GALNTL6: variants seen among roughly 807,000 people sequenced by gnomAD.
The protein encoded by GALNTL6 is polypeptide N-acetylgalactosaminyltransferase-like 6.
Under a neutral mutation model 73.7 loss-of-function variants are expected in GALNTL6, and 46 were observed. That is an observed-to-expected ratio of 0.62 (90% CI 0.49 to 0.80). GALNTL6 has a LOEUF of 0.80. Among genes scored for constraint, GALNTL6 ranks in the 30% least tolerant of loss-of-function variants. GALNTL6 has a pLI of 0.00. For missense variants in GALNTL6, 604 were observed against 755.0 expected, an observed-to-expected ratio of 0.80 and a Z score of 2.34; for synonymous variants, 259 against 263.7, an observed-to-expected ratio of 0.98 and a Z score of 0.17.
chr4:172,127,480 A>C (rs1260943945), intron 2 of GALNTL6, among the ~76,000 whole-genome samples: 1 of 151,498 alleles, frequency 6.6e-6, no homozygotes, highest in East Asian at 1.9e-4. Context: ...CTTGGGACTC[A>C]GAGGTTATTT....
intron 4 of GALNTL6, among the ~76,000 whole-genome samples, chr4:172,341,653 A>G (rs2332480): frequency 0.57 from 86,193 of 151,650 alleles, 26,963 homozygotes; most frequent in Non-Finnish European, 0.71. Flanking sequence ...ACGAGATCTA[A>G]TGGTGTGAAA....
intron 5 of GALNTL6, among the ~76,000 whole-genome samples, chr4:172,754,752 T>C (rs905477361): frequency 2.0e-5 from 3 of 151,862 alleles, no homozygotes; most frequent in Non-Finnish European, 4.4e-5. Flanking sequence ...TGCTAAATAC[T>C]AATGTTGGCC....
chr4:172,847,944 G>A (rs1040094933), intron 7 of GALNTL6, among the ~76,000 whole-genome samples: 5 of 152,148 alleles, frequency 3.3e-5, no homozygotes, highest in African/African-American at 1.2e-4. Flanking sequence ...AGCTCAGTCT[G>A]AGAGACCCTC....
chr4:172,201,480 C>T (rs1009666779), intron 2 of GALNTL6, among the ~76,000 whole-genome samples: 1 of 151,200 alleles, frequency 6.6e-6, no homozygotes. Context: ...GCTGGGATTA[C>T]AGGCATGAGC....
intron 10 of GALNTL6, among the ~76,000 whole-genome samples, chr4:172,958,898 T>C (rs937956269): frequency 2.0e-5 from 3 of 151,962 alleles, no homozygotes; most frequent in African/African-American, 7.3e-5. Context: ...GTATTTAGGA[T>C]AGGAGAGCAT....
intron 2 of GALNTL6, among the ~76,000 whole-genome samples, chr4:172,173,290 C>T (rs918972025): frequency 5.3e-5 from 8 of 152,172 alleles, no homozygotes; most frequent in East Asian, 1.9e-4. Flanking sequence ...TCTTAAATGA[C>T]GGCATATATC....
intron 3 of GALNTL6, among the ~76,000 whole-genome samples, chr4:172,234,503 T>C (rs1177626096): frequency 6.6e-6 from 1 of 152,082 alleles, no homozygotes; most frequent in East Asian, 1.9e-4. Flanking sequence ...TTGCTGAGAG[T>C]TTGTGACTTT....
At chr4:172,119,337 T>C (rs1168106967) in intron 2 of GALNTL6, among the ~76,000 whole-genome samples, 2 of 152,190 alleles carry the variant, frequency 1.3e-5, no homozygotes, top group African/African-American at 2.4e-5. Flanking sequence ...ATGCCACTTA[T>C]TCTAACACAT....
At chr4:172,402,051 C>A (rs1182061509) in intron 5 of GALNTL6, among the ~76,000 whole-genome samples, 1 of 151,710 alleles carries the variant, frequency 6.6e-6, no homozygotes, top group Non-Finnish European at 1.5e-5. Context: ...CTGCATTCAC[C>A]ATACTTCTTA....
intron 4 of GALNTL6, among the ~76,000 whole-genome samples, chr4:172,326,769 G>A (rs185108291): frequency 1.6e-4 from 25 of 151,716 alleles, no homozygotes; most frequent in East Asian, 1.4e-3. Context: ...CTTTGCCTTC[G>A]TTTGGATTAA....
intron 5 of GALNTL6, among the ~76,000 whole-genome samples, chr4:172,758,765 T>A (rs1044484667): frequency 6.6e-6 from 1 of 152,322 alleles, no homozygotes; most frequent in Non-Finnish European, 1.5e-5. Context: ...CATCCCTTGG[T>A]CCAGCATATC....
chr4:171,954,397 T>C (rs928341062), intron 2 of GALNTL6, among the ~76,000 whole-genome samples: 1 of 152,202 alleles, frequency 6.6e-6, no homozygotes, highest in East Asian at 1.9e-4. Context: ...TTGTGTTGTA[T>C]AGTTATACAA....
intron 2 of GALNTL6, among the ~76,000 whole-genome samples, chr4:172,117,532 C>T (rs1733021674): frequency 6.6e-6 from 1 of 152,108 alleles, no homozygotes; most frequent in South Asian, 2.1e-4. Flanking sequence ...TAGTTTGTTT[C>T]AGAATGCCAT....
intron 2 of GALNTL6, among the ~76,000 whole-genome samples, chr4:172,066,730 A>T (rs1454745346): frequency 6.6e-6 from 1 of 152,132 alleles, no homozygotes; most frequent in Non-Finnish European, 1.5e-5. Flanking sequence ...TACACTTATC[A>T]TTTTAACAGA....
intron 2 of GALNTL6, among the ~76,000 whole-genome samples, chr4:171,987,300 T>A (rs1400500737): frequency 6.6e-6 from 1 of 152,198 alleles, no homozygotes; most frequent in Non-Finnish European, 1.5e-5. Context: ...TATAAAGGTT[T>A]GACTGAATAC....
At chr4:171,976,280 G>A (rs9993396) in intron 2 of GALNTL6, among the ~76,000 whole-genome samples, 78,851 of 152,028 alleles carry the variant, frequency 0.52, 21,085 homozygotes, top group Admixed American at 0.63. Context: ...AATTTGTGTC[G>A]TTACATAATT....
At chr4:171,819,595 C>T (rs1307060045) in intron 2 of GALNTL6, among the ~76,000 whole-genome samples, 2 of 152,052 alleles carry the variant, frequency 1.3e-5, no homozygotes, top group Non-Finnish European at 2.9e-5. Flanking sequence ...GTTTGTTTGT[C>T]AGGAGTAGCC....
At chr4:172,779,320 TCTTGA>T (rs1739250889) in intron 5 of GALNTL6, among the ~76,000 whole-genome samples, 1 of 152,130 alleles carries the variant, frequency 6.6e-6, no homozygotes, top group Non-Finnish European at 1.5e-5. Flanking sequence ...GAGCAGAAAC[TCTTGA>T]CCTTCTAACA....
intron 3 of GALNTL6, among the ~76,000 whole-genome samples, chr4:172,280,607 C>T (rs1739010618): frequency 6.6e-6 from 1 of 151,922 alleles, no homozygotes; most frequent in South Asian, 2.1e-4. Context: ...CCATTCAACA[C>T]AGTTTCCTAG....
Sources: allele counts gnomAD v4.1 joint callset (sites outside exome capture counted in the v4.1 genomes callset), GRCh38; gene constraint gnomAD v4.1.1; transcripts MANE v1.5; gene names NCBI Gene and HGNC (gene_info 2026-07-23, HGNC 2026-07-21).